CCDC33: variants seen among roughly 807,000 people sequenced by gnomAD.
CCDC33 encodes the protein coiled-coil domain containing 33, also known as coiled-coil domain-containing protein 33.
A neutral mutation model predicts 91.9 loss-of-function variants in CCDC33; 94 were observed. That is an observed-to-expected ratio of 1.02 (90% CI 0.87 to 1.21). The LOEUF is 1.21. Ranked by LOEUF, CCDC33 falls within the 50% of genes most tolerant of loss-of-function variation. CCDC33 has a pLI of 0.00. For missense variants in CCDC33, 940 were observed against 935.5 expected (o/e 1.00, Z -0.06); for synonymous variants, 396 against 374.5 (o/e 1.06, Z -0.66).
At chr15:74,309,273 G>C (rs534936573) in intron 11 of CCDC33, among the ~76,000 whole-genome samples, 1 of 152,276 alleles carries the variant, frequency 6.6e-6, no homozygotes, top group Non-Finnish European at 1.5e-5. Flanking sequence ...ATGCTCAATG[G>C]CAGTGGTGCC....
chr15:74,288,924 A>T (rs1025390808), intron 10 of CCDC33, among the ~76,000 whole-genome samples: 1 of 152,206 alleles, frequency 6.6e-6, no homozygotes. Context: ...AGCCAGGAAC[A>T]TAGTGAAGAT....
chr15:74,313,416 T>TTTTTTTC (rs2060029399), intron 11 of CCDC33, among the ~76,000 whole-genome samples: 1 of 2,312 alleles, frequency 4.3e-4, no homozygotes, highest in African/African-American at 4.9e-4. Context: ...TCTTTCTTTC[T>TTTTTTTC]TTTTTTTTTT....
chr15:74,285,354 C>G (rs1251753125), intron 10 of CCDC33, among the ~76,000 whole-genome samples: 1 of 152,178 alleles, frequency 6.6e-6, no homozygotes, highest in Non-Finnish European at 1.5e-5. Flanking sequence ...TAGGCAGAGA[C>G]AGCAGTGGCC....
chr15:74,327,915 C>T (rs1262251976), intron 11 of CCDC33, among the ~76,000 whole-genome samples: 1 of 152,152 alleles, frequency 6.6e-6, no homozygotes, highest in Non-Finnish European at 1.5e-5. Context: ...CTGGGTCATC[C>T]TTTGTGACCA....
intron 11 of CCDC33, among the ~76,000 whole-genome samples, chr15:74,327,629 C>T (rs548466959): frequency 2.6e-5 from 4 of 152,096 alleles, no homozygotes; most frequent in South Asian, 4.2e-4. Context: ...AGTGAGACTC[C>T]GTCACAAAAC....
chr15:74,217,235 T>G (rs1329070207), exon 1 of CCDC33: 1 of 1,229,346 alleles, frequency 8.1e-7, no homozygotes, highest in South Asian at 1.4e-5. Flanking sequence ...GGTGAGAGGG[T>G]GCAGTGCTCA....
At chr15:74,240,008 A>G (rs2075296210) in intron 1 of CCDC33, among the ~76,000 whole-genome samples, 1 of 152,214 alleles carries the variant, frequency 6.6e-6, no homozygotes, top group South Asian at 2.1e-4. Context: ...ACATGGGAAT[A>G]AAAAAGGGAT....
chr15:74,284,209 A>G (rs1440773119), intron 10 of CCDC33, among the ~76,000 whole-genome samples: 1 of 152,234 alleles, frequency 6.6e-6, no homozygotes, highest in Non-Finnish European at 1.5e-5. Flanking sequence ...GAGTCACTGC[A>G]TGTCAGGTAG....
chr15:74,272,879 C>T lies in CCDC33; in HGVS notation c.747C>T (p.Asn249=), dbSNP rs777537842. The part of the protein sequence containing the change: ...MNFDVPRVSQ[N]GCPQLSKPGG... Reference sequence around the variant, plus strand: ...TTGACGTGCCTCGCGTCAGCCAGAACGGATGCCCTCAGGTATGTCTCCTCC... The same window carrying T: ...TTGACGTGCCTCGCGTCAGCCAGAATGGATGCCCTCAGGTATGTCTCCTCC... The change falls in exon 7 of 19, where the codon AAC becomes AAT. Residue 249 remains asparagine (N), a synonymous_variant. Coordinates refer to ENST00000398814, the MANE Select transcript of CCDC33 (RefSeq NM_025055.5). The T allele has an allele frequency of 4.6e-5, 75 of 1,614,082 alleles. No individual in the cohort carries two copies. In the Middle Eastern group the frequency reaches 9.9e-4, roughly 21 times the overall value.
At chr15:74,248,308 G>GTATATATAT (rs201826228) in intron 2 of CCDC33, among the ~76,000 whole-genome samples, 8 of 143,248 alleles carry the variant, frequency 5.6e-5, no homozygotes, top group South Asian at 2.1e-4. Context: ...GCGAAAATAT[G>GTATATATAT]TATATATATT....
At chr15:74,292,301 T>A (rs962205355) in intron 10 of CCDC33, among the ~76,000 whole-genome samples, 1 of 152,156 alleles carries the variant, frequency 6.6e-6, no homozygotes, top group Non-Finnish European at 1.5e-5. Flanking sequence ...CTCCTATGGG[T>A]TGGCTCTTTC....
At chr15:74,274,035 T>G (rs1264224450) in intron 7 of CCDC33, among the ~76,000 whole-genome samples, 1 of 152,134 alleles carries the variant, frequency 6.6e-6, no homozygotes, top group Non-Finnish European at 1.5e-5. Context: ...TTTCACCATG[T>G]TGGCCAGGCT....
At chr15:74,328,857 C>T (rs914504508) in intron 11 of CCDC33, among the ~76,000 whole-genome samples, 5 of 152,176 alleles carry the variant, frequency 3.3e-5, no homozygotes, top group East Asian at 1.9e-4. Context: ...AGTCCCCACC[C>T]GTATGTACAC....
intron 5 of CCDC33, 41 bp downstream of exon 5, chr15:74,268,499 G>GGGGGGGGGGGC: frequency 2.4e-6 from 3 of 1,236,238 alleles, no homozygotes; most frequent in East Asian, 2.8e-5. Flanking sequence ...GTGGGGGTGG[G>GGGGGGGGGGGC]AAAGGGCCAA....
intron 2 of CCDC33, among the ~76,000 whole-genome samples, chr15:74,223,702 A>T (rs1167830382): frequency 7.1e-6 from 1 of 140,564 alleles, no homozygotes; most frequent in East Asian, 2.3e-4. Flanking sequence ...GCTTCTGCTG[A>T]GGCTGTGCCC....
chr15:74,233,402 A>G (rs1276443478), upstream of CCDC33, among the ~76,000 whole-genome samples: 3 of 151,750 alleles, frequency 2.0e-5, no homozygotes, highest in Admixed American at 6.6e-5. Context: ...AGGATGGAAA[A>G]CTCTGAGAGG....
chr15:74,231,768 C>A (rs187906359), upstream of CCDC33, among the ~76,000 whole-genome samples: 656 of 152,300 alleles, frequency 4.3e-3, 2 homozygotes, highest in Non-Finnish European at 6.8e-3. Context: ...GTAATCCCAG[C>A]AATTTGGGAG....
intron 15 of CCDC33, among the ~76,000 whole-genome samples, chr15:74,331,756 G>A (rs183462954): frequency 8.5e-5 from 13 of 152,326 alleles, no homozygotes; most frequent in East Asian, 7.7e-4. Flanking sequence ...GGGGCCAGGC[G>A]CAATGGTTCA....
chr15:74,290,452 T>A (rs186357291), intron 10 of CCDC33, among the ~76,000 whole-genome samples: 82 of 152,248 alleles, frequency 5.4e-4, no homozygotes, highest in Non-Finnish European at 7.5e-4. Context: ...ATTTATTAGA[T>A]TTCTAACCTG....
Sources: gnomAD v4.1 joint callset for allele counts (sites outside exome capture counted in the v4.1 genomes callset) on GRCh38, gnomAD v4.1.1 for gene constraint, MANE v1.5 for transcripts, NCBI Gene and HGNC (gene_info 2026-07-23, HGNC 2026-07-21) for gene names.